Variants in PCDHA13 observed in about 807,000 individuals in gnomAD.
PCDHA13 encodes the protein protocadherin alpha-13.
PCDHA13 carries 54 observed loss-of-function variants against 64.8 expected under a neutral mutation model. That is an observed-to-expected ratio of 0.83 (90% CI 0.67 to 1.04). The LOEUF (loss-of-function observed/expected upper bound fraction) is 1.04, where lower values mean the gene tolerates loss of function less well. PCDHA13 is among the 50% of genes least tolerant of loss of function. PCDHA13 has a pLI of 0.00. For synonymous variants in PCDHA13, 587 were observed against 564.4 expected (o/e 1.04, Z -0.57); for missense variants, 1,248 against 1,254.3 (o/e 0.99, Z 0.08).
At chr5:140,925,854 G>C (rs1333353083) in intron 1 of PCDHA13, among the ~76,000 whole-genome samples, 1 of 152,014 alleles carries the variant, frequency 6.6e-6, no homozygotes, top group African/African-American at 2.4e-5. Flanking sequence ...TGAGTTTCTA[G>C]TTATTGCTAT....
intron 2 of PCDHA13, 158 bp downstream of exon 2, chr5:140,979,165 A>G (rs1586797430): frequency 1.0e-6 from 1 of 970,900 alleles, no homozygotes; most frequent in South Asian, 4.8e-5. Flanking sequence ...TTATTCCTTG[A>G]AAGATCGCAA....
intron 1 of PCDHA13, chr5:140,968,136 T>C (rs1554230395): frequency 1.2e-6 from 2 of 1,614,102 alleles, no homozygotes; most frequent in South Asian, 2.2e-5. Flanking sequence ...ACACTGAAGG[T>C]TGAGATCTCT....
chr5:140,972,072 T>C (rs1380413898), intron 1 of PCDHA13, among the ~76,000 whole-genome samples: 1 of 152,212 alleles, frequency 6.6e-6, no homozygotes, highest in Non-Finnish European at 1.5e-5. Flanking sequence ...ATTAACTGCT[T>C]TTGGAAAAAG....
intron 3 of PCDHA13, among the ~76,000 whole-genome samples, chr5:141,002,590 C>T (rs183905414): frequency 6.6e-6 from 1 of 152,294 alleles, no homozygotes; most frequent in East Asian, 1.9e-4. Flanking sequence ...AGTCCTTAGT[C>T]CCCTCATCTA....
intron 1 of PCDHA13, among the ~76,000 whole-genome samples, chr5:140,949,698 T>G (rs188313112): frequency 6.6e-6 from 1 of 151,984 alleles, no homozygotes; most frequent in African/African-American, 2.4e-5. Flanking sequence ...TTGTTGGATC[T>G]TGCTGTTTTA....
chr5:140,991,570 C>T (rs1554252306), intron 3 of PCDHA13, among the ~76,000 whole-genome samples: 1 of 152,220 alleles, frequency 6.6e-6, no homozygotes, highest in Non-Finnish European at 1.5e-5. Context: ...TTTCCAATAA[C>T]AGGCTCCTTA....
intron 3 of PCDHA13, among the ~76,000 whole-genome samples, chr5:141,004,289 CAG>C (rs1383902638): frequency 1.3e-5 from 2 of 152,130 alleles, no homozygotes; most frequent in Non-Finnish European, 2.9e-5. Context: ...GCTGAGCTCT[CAG>C]AGATGTTTGT....
chr5:140,882,873 G>T lies in PCDHA13; in HGVS notation c.605G>T (p.Arg202Ile). Residue 202 changes from arginine (R) to isoleucine (I), a missense_variant, in exon 1 of 4, where the codon AGA becomes ATA. Transcript: ENST00000289272. ...CTTGTACTGAGGAAAACACTGGACA[G>T]AGAGGAAATTCAGGAACATAGTTTA... ...LSLVLRKTLD[R>I]EEIQEHSLLL... 6 of 1,614,222 alleles carry T rather than the reference G, an allele frequency of 3.7e-6. No homozygotes were observed. Among genetic ancestry groups the T allele is most frequent in the Non-Finnish European group, 5.1e-6 (6 of 1,180,054 alleles).
chr5:140,951,603 T>G (rs1056623799), intron 1 of PCDHA13, among the ~76,000 whole-genome samples: 2 of 152,094 alleles, frequency 1.3e-5, no homozygotes, highest in African/African-American at 4.8e-5. Flanking sequence ...CTCACTGTTA[T>G]GAGAATAGCA....
intron 1 of PCDHA13, among the ~76,000 whole-genome samples, chr5:140,948,132 C>G (rs1397250622): frequency 1.3e-5 from 2 of 151,526 alleles, no homozygotes; most frequent in African/African-American, 4.8e-5. Context: ...TTGGATTACA[C>G]TAATTGATTT....
intron 1 of PCDHA13, among the ~76,000 whole-genome samples, chr5:140,885,102 G>A (rs2060467065): frequency 6.6e-6 from 1 of 151,970 alleles, no homozygotes; most frequent in Non-Finnish European, 1.5e-5. Flanking sequence ...TCACATAAAT[G>A]CTTTTTTTAA....
chr5:140,942,641 G>T (rs1198552335), intron 1 of PCDHA13, among the ~76,000 whole-genome samples: 1 of 151,754 alleles, frequency 6.6e-6, no homozygotes, highest in African/African-American at 2.4e-5. Flanking sequence ...TGGCAAAAGA[G>T]ATCTCATTCA....
rs114871728 is a variant in PCDHA13, at chr5:140,922,694, C to T, written c.2394+38032C>T. The stretch of plus-strand genomic sequence containing the variant: ...GTAAAAAAGTGAACAGGCTCTGCTT[C>T]CATACAGTCAAGAACAAAAAGAAAC... On this transcript the variant is annotated intron_variant, in intron 1 of 3. Transcript: ENST00000289272. Among the ~76,000 whole-genome samples, 1,199 of 152,172 alleles carry T rather than the reference C, an allele frequency of 7.9e-3. 5 individuals carry two copies. The highest frequency in any genetic ancestry group is 0.018 in the African/African-American group (768 of 41,520).
At chr5:140,902,920 C>T (rs1186097921) in intron 1 of PCDHA13, among the ~76,000 whole-genome samples, 1 of 152,304 alleles carries the variant, frequency 6.6e-6, no homozygotes, top group Non-Finnish European at 1.5e-5. Context: ...AGTAGTATTG[C>T]ATGGTGTATA....
intron 3 of PCDHA13, among the ~76,000 whole-genome samples, chr5:141,005,795 C>G (rs2098239997): frequency 8.0e-6 from 1 of 124,778 alleles, no homozygotes; most frequent in Admixed American, 8.1e-5. Context: ...GAGGCAAAAA[C>G]AACTCCAAGG....
intron 1 of PCDHA13, chr5:140,968,575 G>C: frequency 6.2e-7 from 1 of 1,614,134 alleles, no homozygotes; most frequent in Non-Finnish European, 8.5e-7. Context: ...CTGGCTACCT[G>C]GTCACCAAAG....
At chr5:140,949,634 G>A (rs1172841481) in intron 1 of PCDHA13, among the ~76,000 whole-genome samples, 3 of 151,562 alleles carry the variant, frequency 2.0e-5, no homozygotes, top group East Asian at 1.9e-4. Flanking sequence ...ATGGCATATT[G>A]CTTTTTGTTC....
intron 3 of PCDHA13, among the ~76,000 whole-genome samples, chr5:141,003,141 AGACTC>A (rs1554258926): frequency 1.3e-5 from 2 of 152,202 alleles, no homozygotes; most frequent in African/African-American, 4.8e-5. Flanking sequence ...GCCTTGGCAA[AGACTC>A]TGACCTGATC....
At position 140,882,263 on chromosome 5, in the gene PCDHA13, T is replaced by G. The variant is rs1554173290; in HGVS notation, c.-6T>G. The G allele has an allele frequency of 1.9e-6, 3 of 1,604,900 alleles. No individual in the cohort carries two copies. On this transcript the variant is annotated 5_prime_UTR_variant, in exon 1 of 4. Coordinates refer to ENST00000289272, the MANE Select transcript of PCDHA13 (RefSeq NM_018904.3). ...GCAGATAGCTCTGAGGTTTTTGGAGTGTACCATGCTGTCTTCCTGGCAAGG... is the reference window on the plus strand; with the variant it reads ...GCAGATAGCTCTGAGGTTTTTGGAGGGTACCATGCTGTCTTCCTGGCAAGG...
Sources: allele counts gnomAD v4.1 joint callset (sites outside exome capture counted in the v4.1 genomes callset), GRCh38; gene constraint gnomAD v4.1.1; transcripts MANE v1.5; gene names NCBI Gene and HGNC (gene_info 2026-07-23, HGNC 2026-07-21).